UNC13C: variants seen among roughly 807,000 people sequenced by gnomAD.
UNC13C encodes the protein protein unc-13 homolog C.
In UNC13C, 174 loss-of-function variants were observed where a neutral mutation model predicts 245.4. The ratio of observed to expected loss-of-function variants is 0.71; its 90% CI spans 0.63 to 0.80. The LOEUF is 0.80. Among genes scored for constraint, UNC13C ranks in the 30% least tolerant of loss-of-function variants. UNC13C has a pLI of 0.00. For missense variants in UNC13C, 2,829 were observed against 2,602.9 expected, an observed-to-expected ratio of 1.09 and a Z score of -1.89; for synonymous variants, 992 against 895.1, an observed-to-expected ratio of 1.11 and a Z score of -1.93.
chr15:54,053,921 C>T (rs183344273), intron 2 of UNC13C, among the ~76,000 whole-genome samples: 26 of 152,296 alleles, frequency 1.7e-4, no homozygotes, highest in African/African-American at 6.3e-4. Flanking sequence ...GCTTATTTCA[C>T]TTAACATAGT....
chr15:53,986,573 C>T (rs1395090013), intron 1 of UNC13C, among the ~76,000 whole-genome samples: 1 of 151,512 alleles, frequency 6.6e-6, no homozygotes, highest in Non-Finnish European at 1.5e-5. Flanking sequence ...GAAAAAATTC[C>T]AAATTTAATT....
At chr15:54,088,260 T>A (rs1899360167) in intron 2 of UNC13C, among the ~76,000 whole-genome samples, 1 of 148,654 alleles carries the variant, frequency 6.7e-6, no homozygotes, top group East Asian at 2.0e-4. Flanking sequence ...TTCATCTCCT[T>A]TCATGGCCGT....
chr15:54,600,396 A>T (rs1899346668), intron 30 of UNC13C, among the ~76,000 whole-genome samples: 1 of 152,056 alleles, frequency 6.6e-6, no homozygotes, highest in African/African-American at 2.4e-5. Flanking sequence ...CCAAAGGCAA[A>T]GATGTAGGAA....
intron 4 of UNC13C, among the ~76,000 whole-genome samples, chr15:54,160,720 C>T (rs1396029841): frequency 1.3e-5 from 2 of 152,098 alleles, no homozygotes; most frequent in African/African-American, 4.8e-5. Context: ...CATTCAGTTG[C>T]TATCAGTATT....
intron 4 of UNC13C, among the ~76,000 whole-genome samples, chr15:54,202,665 CT>C (rs1348653617): frequency 1.3e-5 from 2 of 151,902 alleles, no homozygotes; most frequent in Non-Finnish European, 2.9e-5. Context: ...TGAGAATGAA[CT>C]GAAGATGGAT....
At chr15:54,233,941 A>G (rs766459142) in intron 4 of UNC13C, among the ~76,000 whole-genome samples, 3 of 152,218 alleles carry the variant, frequency 2.0e-5, no homozygotes, top group Non-Finnish European at 4.4e-5. Flanking sequence ...TAATATTAGC[A>G]TCTTGTTGGT....
At chr15:54,185,459 G>A (rs1027874343) in intron 4 of UNC13C, among the ~76,000 whole-genome samples, 2 of 150,098 alleles carry the variant, frequency 1.3e-5, no homozygotes, top group African/African-American at 2.5e-5. Context: ...AAGGTGTAAG[G>A]AAGGAATCGA....
intron 2 of UNC13C, among the ~76,000 whole-genome samples, chr15:54,074,933 C>T (rs1457764699): frequency 2.0e-5 from 3 of 152,012 alleles, no homozygotes; most frequent in African/African-American, 7.2e-5. Context: ...AGATCCACAG[C>T]CTCTTTCTAT....
intron 4 of UNC13C, among the ~76,000 whole-genome samples, chr15:54,198,410 C>A (rs2034424670): frequency 6.6e-6 from 1 of 152,132 alleles, no homozygotes; most frequent in Admixed American, 6.6e-5. Flanking sequence ...CAATACAAAA[C>A]CAGCATACTA....
At chr15:54,450,910 A>G (rs777484822) in intron 19 of UNC13C, among the ~76,000 whole-genome samples, 4 of 152,156 alleles carry the variant, frequency 2.6e-5, no homozygotes, top group Non-Finnish European at 5.9e-5. Context: ...GCCATCTTGG[A>G]ACCACCCAAG....
chr15:54,160,519 A>G (rs1400993914), intron 4 of UNC13C, among the ~76,000 whole-genome samples: 1 of 151,860 alleles, frequency 6.6e-6, no homozygotes, highest in African/African-American at 2.4e-5. Context: ...TAAATTACAA[A>G]GATCCAGAGT....
At chr15:53,852,301 T>C in the UNC13C span, among the ~76,000 whole-genome samples, 2 of 152,124 alleles carry the variant, frequency 1.3e-5, no homozygotes, top group African/African-American at 4.8e-5. Context: ...AAAAACACTT[T>C]TGAGTGTGTT....
the UNC13C span, among the ~76,000 whole-genome samples, chr15:53,849,823 G>T: frequency 6.6e-6 from 1 of 152,102 alleles, no homozygotes; most frequent in Non-Finnish European, 1.5e-5. Context: ...AGGGCTCTGG[G>T]CGTGATGCAG....
At chr15:54,442,811 G>C (rs1890603118) in intron 19 of UNC13C, among the ~76,000 whole-genome samples, 1 of 152,034 alleles carries the variant, frequency 6.6e-6, no homozygotes, top group Non-Finnish European at 1.5e-5. Flanking sequence ...TGTTGGATTT[G>C]TTAGCTGGTA....
intron 2 of UNC13C, among the ~76,000 whole-genome samples, chr15:54,131,606 C>T (rs2031419454): frequency 6.6e-6 from 1 of 152,124 alleles, no homozygotes; most frequent in South Asian, 2.1e-4. Context: ...ATACACTATC[C>T]ATAGTTAGGC....
At chr15:54,097,155 T>G (rs1899911203) in intron 2 of UNC13C, among the ~76,000 whole-genome samples, 2 of 152,214 alleles carry the variant, frequency 1.3e-5, no homozygotes, top group Non-Finnish European at 2.9e-5. Context: ...ACTCTAACAT[T>G]GCTTTGTCCT....
At chr15:54,390,978 A>G (rs1486586812) in intron 17 of UNC13C, among the ~76,000 whole-genome samples, 1 of 152,132 alleles carries the variant, frequency 6.6e-6, no homozygotes, top group East Asian at 1.9e-4. Context: ...CAAACGTTAT[A>G]TGATGTGAAA....
intron 2 of UNC13C, among the ~76,000 whole-genome samples, chr15:54,038,615 A>G (rs1360501247): frequency 6.6e-6 from 1 of 152,208 alleles, no homozygotes; most frequent in African/African-American, 2.4e-5. Context: ...ACTTTGATAA[A>G]CAGAATCTTT....
At chr15:54,243,998 A>G (rs1274212606) in intron 7 of UNC13C, among the ~76,000 whole-genome samples, 1 of 151,890 alleles carries the variant, frequency 6.6e-6, no homozygotes, top group Non-Finnish European at 1.5e-5. Context: ...CCCATTTGTC[A>G]ATTTCTGCTT....
Sources: allele counts gnomAD v4.1 joint callset (sites outside exome capture counted in the v4.1 genomes callset), GRCh38; gene constraint gnomAD v4.1.1; transcripts MANE v1.5; gene names NCBI Gene and HGNC (gene_info 2026-07-23, HGNC 2026-07-21).